Variants in THEMIS observed in about 807,000 individuals in gnomAD.
THEMIS encodes the protein thymocyte selection associated, also known as protein THEMIS.
A neutral mutation model predicts 52.6 loss-of-function variants in THEMIS; 37 were observed. The observed-to-expected ratio is 0.70, with a 90% CI of 0.54 to 0.93. The LOEUF (loss-of-function observed/expected upper bound fraction) is 0.93, where lower values mean the gene tolerates loss of function less well. Ranked by LOEUF, THEMIS falls within the 40% of genes least tolerant of loss-of-function variation. The probability of loss-of-function intolerance (pLI) is 0.00; values close to 1 mark genes in which losing one functional copy is unlikely to be tolerated. For synonymous variants in THEMIS, 292 were observed against 272.7 expected (o/e 1.07, Z -0.70); for missense variants, 808 against 763.1 (o/e 1.06, Z -0.69).
At chr6:127,783,574 G>C (rs1776820967) in intron 4 of THEMIS, among the ~76,000 whole-genome samples, 1 of 152,132 alleles carries the variant, frequency 6.6e-6, no homozygotes, top group African/African-American at 2.4e-5. Context: ...ACTGGGTAAA[G>C]GATATGAACA....
chr6:127,759,679 C>G (rs544876134), intron 4 of THEMIS, among the ~76,000 whole-genome samples: 5 of 152,142 alleles, frequency 3.3e-5, no homozygotes, highest in African/African-American at 1.2e-4. Context: ...ACATCTATCG[C>G]TACATCCCTA....
intron 1 of THEMIS, among the ~76,000 whole-genome samples, chr6:127,911,409 G>GAT (rs1168054513): frequency 6.0e-5 from 9 of 149,972 alleles, no homozygotes; most frequent in Admixed American, 2.7e-4. Context: ...TGGGTTTATG[G>GAT]ATATATATAT....
In THEMIS at chr6:127,880,590, C is replaced by T. The variant is rs974725528; in HGVS notation, c.91+20252G>A. 8.9e-3 allele frequency among the ~76,000 whole-genome samples: 911 copies of T among 102,450 alleles called. 14 individuals are homozygous for T. The highest frequency in any genetic ancestry group is 0.033 in the African/African-American group (845 of 25,788). 67.2% of individuals were successfully genotyped at this position (102,450 alleles called of 152,430 possible). A position where few individuals can be genotyped will look rare whatever the true frequency, so the allele number is the denominator to read the frequency against. On this transcript the variant is annotated intron_variant, in intron 1 of 5. Coordinates refer to ENST00000368248, the MANE Select transcript of THEMIS (RefSeq NM_001010923.3). ...ACAAATTAAAAAAAAAAAAAAAAAG[C>T]ACTTTGGTCTGTGGTTAGAAGGTTA... is the stretch of plus-strand genomic sequence containing the variant.
chr6:127,778,900 G>T (rs1435749022), intron 4 of THEMIS, among the ~76,000 whole-genome samples: 1 of 149,588 alleles, frequency 6.7e-6, no homozygotes, highest in African/African-American at 2.5e-5. Context: ...CTATTGGGTT[G>T]CTTGAACCCG....
At chr6:127,752,363 GTT>G (rs34834022) in intron 4 of THEMIS, among the ~76,000 whole-genome samples, 104 of 137,758 alleles carry the variant, frequency 7.5e-4, no homozygotes, top group African/African-American at 2.3e-3. Flanking sequence ...GAAACGAAGA[GTT>G]TTTTTTTTTT....
intron 5 of THEMIS, among the ~76,000 whole-genome samples, chr6:127,713,419 A>C (rs761551916): frequency 6.6e-5 from 10 of 151,858 alleles, no homozygotes; most frequent in Admixed American, 2.6e-4. Context: ...GTATTCAAGA[A>C]ATACTTACTG....
chr6:127,743,810 TAAATAGTAA>T (rs1461683905), intron 4 of THEMIS, among the ~76,000 whole-genome samples: 1 of 152,126 alleles, frequency 6.6e-6, no homozygotes, highest in African/African-American at 2.4e-5. Flanking sequence ...ATACAATATA[TAAATAGTAA>T]AAAGCAAGTC....
the THEMIS span, among the ~76,000 whole-genome samples, chr6:127,697,374 T>C: frequency 6.6e-6 from 1 of 152,184 alleles, no homozygotes; most frequent in Non-Finnish European, 1.5e-5. Flanking sequence ...CTCTGAAGGA[T>C]TGTTGCATTA....
At chr6:127,725,032 G>A (rs1774491096) in intron 4 of THEMIS, among the ~76,000 whole-genome samples, 1 of 152,032 alleles carries the variant, frequency 6.6e-6, no homozygotes, top group Admixed American at 6.6e-5. Flanking sequence ...ACCTCTCTTA[G>A]CCAGGGACTA....
chr6:127,880,581 A>AG (rs1780453361), intron 1 of THEMIS, among the ~76,000 whole-genome samples: 1 of 151,396 alleles, frequency 6.6e-6, no homozygotes. Context: ...TAAAAAAAAA[A>AG]AAAAAAAGCA....
At chr6:127,800,694 A>T (rs1304660630) in intron 4 of THEMIS, among the ~76,000 whole-genome samples, 2 of 152,302 alleles carry the variant, frequency 1.3e-5, no homozygotes, top group East Asian at 3.9e-4. Context: ...ATCAGCTTAG[A>T]GTGCAGCAGA....
At chr6:127,901,592 T>G (rs763423364), upstream of THEMIS, among the ~76,000 whole-genome samples, 10 of 152,042 alleles carry the variant, frequency 6.6e-5, no homozygotes, top group Non-Finnish European at 1.2e-4. Flanking sequence ...AGGGTAGGGA[T>G]AGAATATGCA....
intron 4 of THEMIS, among the ~76,000 whole-genome samples, chr6:127,807,877 G>C (rs959867111): frequency 6.6e-6 from 1 of 152,294 alleles, no homozygotes; most frequent in East Asian, 1.9e-4. Flanking sequence ...TGTCAAACCA[G>C]ATCAGAAGTG....
At chr6:127,812,774 A>T in intron 4 of THEMIS, 109 bp downstream of exon 4, 1 of 1,127,808 alleles carries the variant, frequency 8.9e-7, no homozygotes, top group Non-Finnish European at 1.3e-6. Context: ...CTCATTGCAA[A>T]TATGGCATGA....
At chr6:127,839,351 T>A (rs1432340032) in intron 2 of THEMIS, among the ~76,000 whole-genome samples, 1 of 152,154 alleles carries the variant, frequency 6.6e-6, no homozygotes, top group East Asian at 1.9e-4. Context: ...ATATGTATTC[T>A]TATATGTAAG....
intron 1 of THEMIS, among the ~76,000 whole-genome samples, chr6:127,863,567 T>G (rs1313212415): frequency 6.6e-6 from 1 of 152,192 alleles, no homozygotes; most frequent in Non-Finnish European, 1.5e-5. Flanking sequence ...CAGCTGTTCT[T>G]TCTAACAAAC....
chr6:127,765,241 C>T (rs1330229762), intron 4 of THEMIS, among the ~76,000 whole-genome samples: 2 of 152,024 alleles, frequency 1.3e-5, no homozygotes, highest in Non-Finnish European at 2.9e-5. Context: ...CTTTATTGCT[C>T]ACCAACTTTA....
intron 4 of THEMIS, among the ~76,000 whole-genome samples, chr6:127,750,452 C>A (rs1009751007): frequency 6.6e-6 from 1 of 151,540 alleles, no homozygotes; most frequent in East Asian, 1.9e-4. Flanking sequence ...AAACACGAAC[C>A]AACTCACTAA....
At position 127,813,059 on chromosome 6, in the gene THEMIS, C is replaced by G. The variant is rs1016603154; in HGVS notation, c.1582G>C (p.Val528Leu). 6.2e-7 allele frequency: 1 copy of G among 1,614,138 alleles called. No homozygotes were observed. Among genetic ancestry groups the G allele is most frequent in the South Asian group, 1.1e-5 (1 of 91,084 alleles). The stretch of plus-strand genomic sequence containing the variant: ...GTGATCTCTTCTACCAGAGTCCTGA[C>G]TAGAAATGGTTCTGCATCCCTAGAG... ...NFSRDAEPFL[V>L]RTLVEEITEE... The change falls in exon 4 of 6, where the codon GTC becomes CTC. Residue 528 changes from valine to leucine, a missense_variant. Physicochemically the swap from Val to Leu is conservative, Grantham distance 32. Transcript: ENST00000368248.
Sources: allele counts gnomAD v4.1 joint callset (sites outside exome capture counted in the v4.1 genomes callset), GRCh38; gene constraint gnomAD v4.1.1; transcripts MANE v1.5; gene names NCBI Gene and HGNC (gene_info 2026-07-23, HGNC 2026-07-21).